Variants in B3GALT1 observed in about 807,000 individuals in gnomAD.
B3GALT1 encodes UDP-Gal:betaGlcNAc beta 1,3-galactosyltransferase, polypeptide 1.
A neutral mutation model predicts 23.2 loss-of-function variants in B3GALT1; 10 were observed. That is an observed-to-expected ratio of 0.43 (90% CI 0.27 to 0.73). The LOEUF is 0.73. Among genes scored for constraint, B3GALT1 ranks in the 30% least tolerant of loss-of-function variants. The probability of loss-of-function intolerance (pLI) is 0.21; values close to 1 mark genes in which losing one functional copy is unlikely to be tolerated. For missense variants in B3GALT1, 299 were observed against 405.4 expected (o/e 0.74, Z 2.25); for synonymous variants, 156 against 141.5 (o/e 1.10, Z -0.73).
At chr2:167,824,898 G>A (rs1689182858) in intron 4 of B3GALT1, among the ~76,000 whole-genome samples, 1 of 152,188 alleles carries the variant, frequency 6.6e-6, no homozygotes, top group Non-Finnish European at 1.5e-5. Context: ...ACAATTAGAT[G>A]TGTGGGTCTG....
intron 4 of B3GALT1, among the ~76,000 whole-genome samples, chr2:167,849,663 G>A (rs1001104126): frequency 1.3e-5 from 2 of 152,046 alleles, no homozygotes; most frequent in African/African-American, 4.8e-5. Context: ...CGAGGCGGGT[G>A]GATCACAAGG....
At chr2:167,522,883 G>T (rs1700210734) in intron 2 of B3GALT1, among the ~76,000 whole-genome samples, 1 of 152,140 alleles carries the variant, frequency 6.6e-6, no homozygotes, top group Non-Finnish European at 1.5e-5. Flanking sequence ...GATTCCTATA[G>T]GATGTACAGT....
intron 3 of B3GALT1, among the ~76,000 whole-genome samples, chr2:167,674,614 A>G (rs1356736633): frequency 6.6e-6 from 1 of 152,198 alleles, no homozygotes; most frequent in African/African-American, 2.4e-5. Context: ...AGGTATCTCA[A>G]AGGAGCCTAT....
At chr2:167,507,215 T>C (rs757167050) in intron 2 of B3GALT1, among the ~76,000 whole-genome samples, 57 of 151,688 alleles carry the variant, frequency 3.8e-4, no homozygotes, top group Middle Eastern at 6.8e-3. Flanking sequence ...TATTAAAAAG[T>C]AGAATAAGAG....
At chr2:167,815,345 C>T (rs752297270) in intron 3 of B3GALT1, 3 of 152,186 alleles carry the variant, frequency 2.0e-5, no homozygotes, top group Admixed American at 6.5e-5. Context: ...ATGGCCTCCA[C>T]CTGGTTCCCT....
intron 3 of B3GALT1, among the ~76,000 whole-genome samples, chr2:167,816,636 T>A (rs945606216): frequency 6.6e-6 from 1 of 152,106 alleles, no homozygotes; most frequent in African/African-American, 2.4e-5. Flanking sequence ...TATATTTCAA[T>A]AATGTTTATG....
chr2:167,435,252 C>T (rs1008257842), intron 1 of B3GALT1, among the ~76,000 whole-genome samples: 6 of 151,246 alleles, frequency 4.0e-5, no homozygotes, highest in Non-Finnish European at 7.4e-5. Flanking sequence ...GATTTATATA[C>T]TTGTTTATTA....
chr2:167,865,021 T>C (rs949621898), intron 4 of B3GALT1, among the ~76,000 whole-genome samples: 1 of 152,164 alleles, frequency 6.6e-6, no homozygotes, highest in African/African-American at 2.4e-5. Flanking sequence ...GTTTCTGTTA[T>C]ATTTCTCCTT....
At chr2:167,640,994 G>C (rs142643479) in intron 2 of B3GALT1, among the ~76,000 whole-genome samples, 1 of 152,172 alleles carries the variant, frequency 6.6e-6, no homozygotes, top group Non-Finnish European at 1.5e-5. Context: ...TCTATTCAAA[G>C]CCTACCTATC....
At chr2:167,737,977 A>G (rs17582433) in intron 3 of B3GALT1, among the ~76,000 whole-genome samples, 23,058 of 152,206 alleles carry the variant, frequency 0.15, 2,086 homozygotes, top group Non-Finnish European at 0.21. Context: ...AAACTGACAA[A>G]TAAATGCTCC....
intron 1 of B3GALT1, among the ~76,000 whole-genome samples, chr2:167,327,105 C>T (rs1696908062): frequency 6.6e-6 from 1 of 152,048 alleles, no homozygotes; most frequent in Non-Finnish European, 1.5e-5. Flanking sequence ...TATGCTGTTC[C>T]ATTGATCTAT....
intron 4 of B3GALT1, among the ~76,000 whole-genome samples, chr2:167,824,991 GA>G (rs532425344): frequency 4.6e-5 from 7 of 150,832 alleles, no homozygotes; most frequent in African/African-American, 9.8e-5. Context: ...GTCATGGGCA[GA>G]AAAAAAAATT....
At chr2:167,395,315 G>T (rs984956652) in intron 1 of B3GALT1, among the ~76,000 whole-genome samples, 9 of 152,134 alleles carry the variant, frequency 5.9e-5, no homozygotes, top group African/African-American at 1.9e-4. Context: ...GATTACCCTG[G>T]ATTGTCTGGG....
chr2:167,402,486 A>T (rs554773954), intron 1 of B3GALT1, among the ~76,000 whole-genome samples: 15 of 152,172 alleles, frequency 9.9e-5, no homozygotes, highest in Non-Finnish European at 1.9e-4. Context: ...GGTCTCAATT[A>T]TGAGAAATTG....
At chr2:167,420,208 T>C (rs1698525950) in intron 1 of B3GALT1, among the ~76,000 whole-genome samples, 1 of 152,190 alleles carries the variant, frequency 6.6e-6, no homozygotes, top group African/African-American at 2.4e-5. Flanking sequence ...ATTACCTCTG[T>C]GTCATCCGTA....
intron 3 of B3GALT1, among the ~76,000 whole-genome samples, chr2:167,679,221 C>T (rs1686485571): frequency 6.6e-6 from 1 of 152,080 alleles, no homozygotes; most frequent in East Asian, 1.9e-4. Flanking sequence ...CGGGTTCAAG[C>T]AATTCTCCTG....
At chr2:167,424,310 A>G (rs555924290) in intron 1 of B3GALT1, among the ~76,000 whole-genome samples, 2 of 152,334 alleles carry the variant, frequency 1.3e-5, no homozygotes, top group South Asian at 2.1e-4. Context: ...AAATGAGGAA[A>G]GGTGCCAGAA....
chr2:167,340,253 T>A (rs140938814), intron 1 of B3GALT1, among the ~76,000 whole-genome samples: 68 of 150,686 alleles, frequency 4.5e-4, no homozygotes, highest in African/African-American at 1.6e-3. Context: ...TCTGAACGTA[T>A]TTAGAGGGTG....
intron 2 of B3GALT1, among the ~76,000 whole-genome samples, chr2:167,605,192 G>C (rs1283362965): frequency 1.3e-5 from 2 of 152,168 alleles, no homozygotes; most frequent in South Asian, 2.1e-4. Flanking sequence ...ATCAACATAT[G>C]CTTTTTTCCA....
Sources: gnomAD v4.1 joint callset for allele counts (sites outside exome capture counted in the v4.1 genomes callset) on GRCh38, gnomAD v4.1.1 for gene constraint, MANE v1.5 for transcripts, NCBI Gene and HGNC (gene_info 2026-07-23, HGNC 2026-07-21) for gene names.